The following CNTN4 variants were observed in gnomAD, a reference collection of about 807,000 sequenced individuals.
The protein encoded by CNTN4 is contactin-4.
In CNTN4, 77 loss-of-function variants were observed where a neutral mutation model predicts 122.5. The observed-to-expected ratio is 0.63, with a 90% CI of 0.52 to 0.76. CNTN4 has a LOEUF of 0.76. Among genes scored for constraint, CNTN4 ranks in the 30% least tolerant of loss-of-function variants. The pLI, the probability that CNTN4 is intolerant of heterozygous loss-of-function variation, is 0.00. For synonymous variants in CNTN4, 512 were observed against 447.0 expected (o/e 1.15, Z -1.83); for missense variants, 1,256 against 1,259.1 (o/e 1.00, Z 0.04).
chr3:2,603,014 A>G (rs980141412), intron 4 of CNTN4, among the ~76,000 whole-genome samples: 7 of 152,188 alleles, frequency 4.6e-5, no homozygotes, highest in African/African-American at 1.7e-4. Context: ...CAATTATGAG[A>G]GGAAATGTTT....
chr3:2,233,180 C>G (rs181570583), intron 2 of CNTN4, among the ~76,000 whole-genome samples: 1 of 152,186 alleles, frequency 6.6e-6, no homozygotes, highest in East Asian at 1.9e-4. Flanking sequence ...CACAGAAACC[C>G]CAAAGAGAAG....
intron 2 of CNTN4, among the ~76,000 whole-genome samples, chr3:2,219,472 G>C (rs2038975907): frequency 6.6e-6 from 1 of 152,028 alleles, no homozygotes; most frequent in South Asian, 2.1e-4. Context: ...TGTTACGTTG[G>C]ATTTTTCAGG....
At chr3:2,597,702 G>C (rs1188820617) in intron 4 of CNTN4, among the ~76,000 whole-genome samples, 1 of 152,074 alleles carries the variant, frequency 6.6e-6, no homozygotes, top group Non-Finnish European at 1.5e-5. Context: ...CCATCCCCCA[G>C]TATAGAGATG....
chr3:2,165,536 A>C (rs1157011135), intron 2 of CNTN4, among the ~76,000 whole-genome samples: 1 of 152,162 alleles, frequency 6.6e-6, no homozygotes, highest in Non-Finnish European at 1.5e-5. Context: ...TGGTGAGAAT[A>C]CTTAAGACGT....
At chr3:2,347,756 G>A (rs1180323638) in intron 3 of CNTN4, among the ~76,000 whole-genome samples, 1 of 151,644 alleles carries the variant, frequency 6.6e-6, no homozygotes, top group Non-Finnish European at 1.5e-5. Context: ...GAGAACTGTA[G>A]TATTTATGAA....
intron 2 of CNTN4, among the ~76,000 whole-genome samples, chr3:2,171,598 T>C (rs546858609): frequency 1.3e-5 from 2 of 152,326 alleles, no homozygotes; most frequent in African/African-American, 4.8e-5. Context: ...CATTATCGTC[T>C]ATATTCTACC....
intron 3 of CNTN4, among the ~76,000 whole-genome samples, chr3:2,399,503 C>T (rs574557880): frequency 4.6e-5 from 7 of 152,132 alleles, no homozygotes; most frequent in South Asian, 4.1e-4. Flanking sequence ...ATAAGTTATG[C>T]TAACTTACTA....
intron 3 of CNTN4, among the ~76,000 whole-genome samples, chr3:2,368,381 TTTAG>T (rs1322141257): frequency 1.3e-5 from 2 of 152,110 alleles, no homozygotes; most frequent in Non-Finnish European, 2.9e-5. Context: ...TGATCTGTGT[TTTAG>T]TTAGTCTGAG....
At chr3:2,139,718 A>T (rs1228976631) in intron 2 of CNTN4, among the ~76,000 whole-genome samples, 1 of 152,122 alleles carries the variant, frequency 6.6e-6, no homozygotes, top group Admixed American at 6.5e-5. Context: ...CACCAGCTGG[A>T]TGTTTCCAGA....
At position 2,642,052 on chromosome 3, in the gene CNTN4, A is replaced by G. The variant is rs184298037; in HGVS notation, c.55+70494A>G. Among the ~76,000 whole-genome samples, 27 of 152,354 alleles carry G rather than the reference A, an allele frequency of 1.8e-4. No homozygotes were observed. The East Asian group carries it at 4.2e-3, about 24-fold the overall frequency. ...TATAAATGAGAGTTTATTAAGGAGC[A>G]CTAACTCACATGATCACAAGATAAG... On this transcript the variant is annotated intron_variant, in intron 4 of 24. Transcript: ENST00000418658.
chr3:2,204,377 A>T (rs1043107217), intron 2 of CNTN4, among the ~76,000 whole-genome samples: 1 of 152,200 alleles, frequency 6.6e-6, no homozygotes, highest in Non-Finnish European at 1.5e-5. Context: ...AACTACGCAG[A>T]AAAATAATAT....
chr3:2,218,783 A>G (rs879392247), intron 2 of CNTN4, among the ~76,000 whole-genome samples: 16 of 152,204 alleles, frequency 1.1e-4, no homozygotes, highest in Non-Finnish European at 2.1e-4. Context: ...GAATTTTTCT[A>G]TCATGAATGA....
At chr3:2,107,622 C>G (rs1559247557) in intron 2 of CNTN4, among the ~76,000 whole-genome samples, 1 of 152,088 alleles carries the variant, frequency 6.6e-6, no homozygotes, top group Non-Finnish European at 1.5e-5. Flanking sequence ...GGACACAGAA[C>G]CAAACCATAT....
In CNTN4 at chr3:3,042,406, G is replaced by A. The variant is rs183942017; in HGVS notation, c.2495G>A (p.Arg832Gln). 8.1e-6 allele frequency: 13 copies of A among 1,610,786 alleles called. No homozygotes were observed. The highest frequency in any genetic ancestry group is 7.7e-5 in the South Asian group (7 of 91,008). The change falls in exon 21 of 25, where the codon CGA becomes CAA. Residue 832 changes from arginine to glutamine, a missense_variant. By Grantham distance (43) the Arg-to-Gln change is conservative. Coordinates refer to ENST00000418658, the MANE Select transcript of CNTN4 (RefSeq NM_175607.3). ...TCCCCACTGGAGAAGAATAGAGGAC[G>A]AATACAAGGTTATGAGGTAGGCAAG... ...WASPLEKNRG[R>Q]IQGYEVKYWR...
chr3:2,456,120 G>A (rs537729598), intron 3 of CNTN4, among the ~76,000 whole-genome samples: 1 of 152,152 alleles, frequency 6.6e-6, no homozygotes, highest in Non-Finnish European at 1.5e-5. Flanking sequence ...ACAGCTAAGA[G>A]CAGGTAGAGC....
intron 2 of CNTN4, among the ~76,000 whole-genome samples, chr3:2,292,657 A>G (rs1421138895): frequency 1.3e-5 from 2 of 152,196 alleles, no homozygotes; most frequent in Non-Finnish European, 2.9e-5. Context: ...AATTTCTTAT[A>G]AATAGAAGCA....
intron 8 of CNTN4, among the ~76,000 whole-genome samples, chr3:2,879,374 T>A (rs1032095002): frequency 6.6e-6 from 1 of 152,202 alleles, no homozygotes; most frequent in Non-Finnish European, 1.5e-5. Flanking sequence ...CCTCTAGAAC[T>A]GTAAGAGAAT....
chr3:3,056,287 C>T lies in CNTN4; in HGVS notation c.*67C>T. On this transcript the variant is annotated 3_prime_UTR_variant, in exon 25 of 25. Transcript: ENST00000418658. ...CATTTAGCTAGTTGTTTTGAAGACA[C>T]CCAGTACTAAGTAATATTGTTGTTC... 1 of 1,117,584 alleles carries T rather than the reference C, an allele frequency of 8.9e-7. No individual in the cohort carries two copies. The highest frequency in any genetic ancestry group is 1.7e-5 in the Admixed American group (1 of 58,584). The allele number at this position is 1,117,584 out of a possible 1,614,324, so 69.2% of individuals were successfully genotyped here.
intron 14 of CNTN4, among the ~76,000 whole-genome samples, chr3:3,004,652 A>C (rs560646453): frequency 6.6e-6 from 1 of 152,358 alleles, no homozygotes; most frequent in Non-Finnish European, 1.5e-5. Flanking sequence ...TTCATAGGAT[A>C]GTTGGGAAGA....
Sources: allele counts gnomAD v4.1 joint callset (sites outside exome capture counted in the v4.1 genomes callset), GRCh38; gene constraint gnomAD v4.1.1; transcripts MANE v1.5; gene names NCBI Gene and HGNC (gene_info 2026-07-23, HGNC 2026-07-21).